Variants in SERAC1 observed in about 807,000 individuals in gnomAD.
The protein encoded by SERAC1 is serine active site containing 1.
Under a neutral mutation model 85.7 loss-of-function variants are expected in SERAC1, and 36 were observed. The ratio of observed to expected loss-of-function variants is 0.42; its 90% CI spans 0.32 to 0.55. The LOEUF is 0.55. SERAC1 is among the 20% of genes least tolerant of loss of function. SERAC1 has a pLI of 0.11. For missense variants in SERAC1, 629 were observed against 796.2 expected, an observed-to-expected ratio of 0.79 and a Z score of 2.53; for synonymous variants, 242 against 265.3, an observed-to-expected ratio of 0.91 and a Z score of 0.85.
At chr6:158,163,634 C>A (rs1389709137) in intron 1 of SERAC1, among the ~76,000 whole-genome samples, 2 of 152,178 alleles carry the variant, frequency 1.3e-5, no homozygotes, top group African/African-American at 4.8e-5. Flanking sequence ...AAACAAAAAA[C>A]CCTAATGGAA....
intron 2 of SERAC1, 134 bp from the exon 3 acceptor site, chr6:158,155,485 G>A: frequency 1.8e-6 from 1 of 570,512 alleles, no homozygotes; most frequent in Admixed American, 3.0e-5. Flanking sequence ...AATATAATCA[G>A]TTGCTATTAA....
Position 158,127,452 on chromosome 6 carries a change from A to G in SERAC1, c.1015+656T>C, listed in dbSNP as rs1270000300. Among the ~76,000 whole-genome samples, 18 of 12,052 alleles carry G rather than the reference A, an allele frequency of 1.5e-3. No homozygotes were observed. The South Asian group carries it at 0.034, about 23-fold the overall frequency. The allele number at this position is 12,052 out of a possible 152,430, so 7.9% of individuals were successfully genotyped here. ...CTCTGCCCGGCCGCCCCTACTGGGA[A>G]GTGAGGAGCCCCTCTGTCCGGCCAC... is the stretch of plus-strand genomic sequence containing the variant. On this transcript the variant is annotated intron_variant, in intron 10 of 16. Coordinates refer to ENST00000647468, the MANE Select transcript of SERAC1 (RefSeq NM_032861.4).
At chr6:158,118,564 G>C (rs1442397188) in intron 12 of SERAC1, among the ~76,000 whole-genome samples, 1 of 145,818 alleles carries the variant, frequency 6.9e-6, no homozygotes, top group African/African-American at 2.6e-5. Flanking sequence ...ACTGCAGTGC[G>C]CTAGGATCGC....
chr6:158,152,435 G>A (rs867822250), intron 3 of SERAC1, among the ~76,000 whole-genome samples: 5 of 152,074 alleles, frequency 3.3e-5, no homozygotes, highest in Middle Eastern at 3.2e-3. Flanking sequence ...AGAATTGCTT[G>A]AACCGAGGAG....
chr6:158,164,571 C>T (rs1190035957), intron 1 of SERAC1, among the ~76,000 whole-genome samples: 1 of 151,940 alleles, frequency 6.6e-6, no homozygotes, highest in Non-Finnish European at 1.5e-5. Flanking sequence ...AAGAAAGACA[C>T]AGAAAATAAA....
intron 3 of SERAC1, among the ~76,000 whole-genome samples, chr6:158,154,108 G>A (rs1044425593): frequency 1.4e-5 from 2 of 144,610 alleles, no homozygotes; most frequent in African/African-American, 2.6e-5. Flanking sequence ...TGCACTGAGT[G>A]GAGATCACGC....
Position 158,114,809 on chromosome 6 carries a change from T to G in SERAC1, c.1664A>C (p.Glu555Ala). ...ATTACCCTTGCTGAGTTCTTTGACT[T>G]CCAACGAGGGGAAGAGAAGATAGCG... ...NIRYLLFPSL[E>A]VKELSKDSPA... The change falls in exon 15 of 17, where the codon GAA becomes GCA. Residue 555 changes from glutamate (E) to alanine (A), a missense_variant. Physicochemically the swap from Glu to Ala is moderately radical, Grantham distance 107 (BLOSUM62 -1). Coordinates refer to ENST00000647468, the MANE Select transcript of SERAC1 (RefSeq NM_032861.4). 1.2e-6 allele frequency: 2 copies of G among 1,604,774 alleles called. No individual in the cohort carries two copies. Among genetic ancestry groups the G allele is most frequent in the Non-Finnish European group, 1.7e-6 (2 of 1,176,576 alleles).
At chr6:158,162,708 T>C in intron 1 of SERAC1, among the ~76,000 whole-genome samples, 1 of 152,352 alleles carries the variant, frequency 6.6e-6, no homozygotes, top group South Asian at 2.1e-4. Context: ...TTCTGTTTAG[T>C]TGTATTTAGA....
intron 8 of SERAC1, among the ~76,000 whole-genome samples, chr6:158,140,140 C>A (rs1784881849): frequency 1.3e-5 from 2 of 152,146 alleles, no homozygotes; most frequent in South Asian, 4.1e-4. Flanking sequence ...TTGGTCTCTA[C>A]CCCTGGTTCC....
chr6:158,124,162 A>G (rs939822514), intron 10 of SERAC1, among the ~76,000 whole-genome samples: 1 of 152,022 alleles, frequency 6.6e-6, no homozygotes, highest in Non-Finnish European at 1.5e-5. Flanking sequence ...TTTTTCTATA[A>G]TAAGATACTG....
intron 2 of SERAC1, among the ~76,000 whole-genome samples, chr6:158,156,897 TAGATATTA>T: frequency 7.6e-6 from 1 of 132,218 alleles, no homozygotes; most frequent in African/African-American, 2.9e-5. Flanking sequence ...TATATTTATA[TAGATATTA>T]ATATATTTAT....
chr6:158,121,088 G>A (rs1562436306), intron 10 of SERAC1, among the ~76,000 whole-genome samples: 4 of 151,912 alleles, frequency 2.6e-5, no homozygotes, highest in African/African-American at 9.7e-5. Flanking sequence ...TTAAAGGGAG[G>A]CAAACAGAAA....
chr6:158,113,624 A>T (rs761506466), intron 15 of SERAC1, 32 bp from the exon 16 acceptor site: 1 of 1,569,364 alleles, frequency 6.4e-7, no homozygotes, highest in East Asian at 2.3e-5. Flanking sequence ...GACTGTGACA[A>T]GTTGTTTACC....
At chr6:158,158,167 G>T in intron 2 of SERAC1, 106 bp downstream of exon 2, 1 of 745,792 alleles carries the variant, frequency 1.3e-6, no homozygotes, top group South Asian at 1.8e-5. Flanking sequence ...AAACAAATTT[G>T]AGATTTAATC....
chr6:158,124,648 G>T (rs558643186), intron 10 of SERAC1, among the ~76,000 whole-genome samples: 7 of 151,896 alleles, frequency 4.6e-5, no homozygotes, highest in African/African-American at 1.7e-4. Flanking sequence ...GAGGAAAAAA[G>T]ATATTACGTA....
chr6:158,158,295 A>G lies in SERAC1; in HGVS notation c.69T>C (p.Ser23=). ...CACTGATATCTCTCCAGTGTGTGCC[A>G]CTTTTTGGTGGGGAAGTAGAGGTTC... is the stretch of plus-strand genomic sequence containing the variant. The part of the protein sequence containing the change: ...RIGTSTSPPK[S]GTHWRDIRNI... The change falls in exon 2 of 17, where the codon AGT becomes AGC. Residue 23 remains serine, a synonymous_variant. Transcript: ENST00000647468. The G allele has an allele frequency of 6.2e-7, 1 of 1,613,200 alleles. No homozygotes were observed. Among genetic ancestry groups the G allele is most frequent in the Non-Finnish European group, 8.5e-7 (1 of 1,179,212 alleles).
intron 6 of SERAC1, 62 bp downstream of exon 6, chr6:158,146,720 C>T: frequency 6.2e-7 from 1 of 1,601,208 alleles, no homozygotes; most frequent in East Asian, 2.3e-5. Flanking sequence ...ACTCCCTTGT[C>T]TTTTATGTCA....
intron 14 of SERAC1, among the ~76,000 whole-genome samples, chr6:158,115,685 G>A (rs1378034493): frequency 6.6e-6 from 1 of 152,134 alleles, no homozygotes; most frequent in African/African-American, 2.4e-5. Context: ...CATTCCATAA[G>A]CAACCACTAG....
chr6:158,156,725 T>TTA (rs200538489), intron 2 of SERAC1, among the ~76,000 whole-genome samples: 19,424 of 140,626 alleles, frequency 0.14, 2,115 homozygotes, highest in East Asian at 0.41. Flanking sequence ...ACAAAAATCT[T>TTA]TATATATATA....
Sources: gnomAD v4.1 joint callset for allele counts (sites outside exome capture counted in the v4.1 genomes callset) on GRCh38, gnomAD v4.1.1 for gene constraint, MANE v1.5 for transcripts, NCBI Gene and HGNC (gene_info 2026-07-23, HGNC 2026-07-21) for gene names.